Variants in CXCL13 observed in about 807,000 individuals in gnomAD.
The protein encoded by CXCL13 is C-X-C motif chemokine 13.
Under a neutral mutation model 12.2 loss-of-function variants are expected in CXCL13, and 7 were observed. The ratio of observed to expected loss-of-function variants is 0.57; its 90% confidence interval spans 0.33 to 1.07. The LOEUF is 1.07. CXCL13 is among the 50% of genes least tolerant of loss of function. The pLI, the probability that CXCL13 is intolerant of heterozygous loss-of-function variation, is 0.04. For missense variants in CXCL13, 113 were observed against 127.4 expected (o/e 0.89, Z 0.55); for synonymous variants, 47 against 42.4 (o/e 1.11, Z -0.42).
At chr4:77,534,998 G>A (rs1578041638) in intron 1 of CXCL13, among the ~76,000 whole-genome samples, 2 of 152,196 alleles carry the variant, frequency 1.3e-5, no homozygotes, top group South Asian at 4.1e-4. Context: ...TGCTTTGCAT[G>A]CTACAGCAAG....
chr4:77,527,731 A>G (rs996016232), intron 1 of CXCL13, among the ~76,000 whole-genome samples: 5 of 151,864 alleles, frequency 3.3e-5, no homozygotes, highest in Admixed American at 2.6e-4. Context: ...CAGATTTTGT[A>G]AAGCCACCTT....
intron 2 of CXCL13, among the ~76,000 whole-genome samples, chr4:77,608,151 G>A (rs1460288598): frequency 1.3e-5 from 2 of 152,154 alleles, no homozygotes; most frequent in Admixed American, 6.5e-5. Flanking sequence ...ATTAGAAAGT[G>A]CATTAGTGGC....
chr4:77,531,257 A>C, intron 1 of CXCL13, among the ~76,000 whole-genome samples: 1 of 138,634 alleles, frequency 7.2e-6, no homozygotes, highest in African/African-American at 2.6e-5. Context: ...TATATCTCCT[A>C]ATGCTATCCC....
intron 1 of CXCL13, among the ~76,000 whole-genome samples, chr4:77,549,608 T>C (rs355671): frequency 0.65 from 98,354 of 152,142 alleles, 36,318 homozygotes; most frequent in Non-Finnish European, 0.82. Flanking sequence ...GCTGCAGTTC[T>C]TTTGGAGTTT....
intron 1 of CXCL13, among the ~76,000 whole-genome samples, chr4:77,518,171 G>A (rs1724477535): frequency 6.6e-6 from 1 of 152,192 alleles, no homozygotes; most frequent in Non-Finnish European, 1.5e-5. Context: ...TCCGCTGTTA[G>A]TCTGATGGGC....
chr4:77,580,074 C>T (rs1451550470), intron 1 of CXCL13, among the ~76,000 whole-genome samples: 2 of 151,920 alleles, frequency 1.3e-5, no homozygotes, highest in East Asian at 3.9e-4. Context: ...ATTATTAAAA[C>T]TAAGGGCTCT....
chr4:77,556,214 A>G (rs764638521), intron 1 of CXCL13, among the ~76,000 whole-genome samples: 2 of 150,882 alleles, frequency 1.3e-5, no homozygotes, highest in African/African-American at 2.4e-5. Flanking sequence ...GTCCATAAAC[A>G]AATGAATGGT....
chr4:77,550,433 G>A lies in CXCL13; in HGVS notation c.-43+38645G>A, dbSNP rs573806606. ...ATCTGTCTTCTGCATCACTCCTGCT[G>A]GGAGCTGTAGACGGGAGCTGTAGAC... On this transcript the variant is annotated intron_variant, in intron 1 of 4. Transcript: ENST00000286758. Among the ~76,000 whole-genome samples, 5 of 152,266 alleles carry A rather than the reference G, an allele frequency of 3.3e-5. 1 individual carries two copies. The highest frequency in any genetic ancestry group is 2.6e-4 in the Admixed American group (4 of 15,292).
At chr4:77,556,167 T>G (rs1725652666) in intron 1 of CXCL13, among the ~76,000 whole-genome samples, 1 of 152,236 alleles carries the variant, frequency 6.6e-6, no homozygotes, top group African/African-American at 2.4e-5. Flanking sequence ...CATAGTAGCT[T>G]TATTCATAAT....
Position 77,611,830 on chromosome 4 carries a change from C to T in CXCL13, c.*791C>T, listed in dbSNP as rs148324990. The T allele has an allele frequency of 1.4e-3, 544 of 389,334 alleles. 5 individuals carry two copies. The highest frequency in any genetic ancestry group is 1.8e-3 in the Non-Finnish European group (400 of 221,974). The allele number at this position is 389,334 out of a possible 1,614,324, so 24.1% of individuals were successfully genotyped here. ...TCAATAAAGTTGAGCAAACATTTTA[C>T]TTAATTATGAGCAATTTCTTCTTCT... On this transcript the variant is annotated 3_prime_UTR_variant, in exon 4 of 4. Transcript: ENST00000682537.
At chr4:77,587,339 T>C (rs551404567) in intron 1 of CXCL13, among the ~76,000 whole-genome samples, 8 of 152,178 alleles carry the variant, frequency 5.3e-5, no homozygotes, top group Non-Finnish European at 1.2e-4. Context: ...TATGACGAAC[T>C]TTCACTGGTT....
chr4:77,511,759 A>C (rs1255647046), exon 1 of CXCL13: 1 of 152,184 alleles, frequency 6.6e-6, no homozygotes, highest in Non-Finnish European at 1.5e-5. Flanking sequence ...AAAGGAGAAG[A>C]TGTTTGAAAA....
At chr4:77,594,185 T>C (rs1268644669) in intron 1 of CXCL13, among the ~76,000 whole-genome samples, 5 of 152,272 alleles carry the variant, frequency 3.3e-5, no homozygotes, top group African/African-American at 1.2e-4. Flanking sequence ...GTCATGCATG[T>C]CTATCTCTGG....
chr4:77,565,434 T>C (rs1175346155), intron 1 of CXCL13, among the ~76,000 whole-genome samples: 1 of 152,204 alleles, frequency 6.6e-6, no homozygotes, highest in African/African-American at 2.4e-5. Flanking sequence ...TATTTGAATC[T>C]TCTCTATGCC....
intron 1 of CXCL13, among the ~76,000 whole-genome samples, chr4:77,547,177 G>A (rs1578047876): frequency 6.6e-6 from 1 of 152,182 alleles, no homozygotes; most frequent in Non-Finnish European, 1.5e-5. Context: ...GTCAATTTTG[G>A]TATAAGTGCA....
At chr4:77,585,865 T>C (rs2109827575) in intron 1 of CXCL13, among the ~76,000 whole-genome samples, 1 of 152,336 alleles carries the variant, frequency 6.6e-6, no homozygotes, top group Non-Finnish European at 1.5e-5. Context: ...GGATGAAATC[T>C]ACACTTGCTG....
intron 1 of CXCL13, among the ~76,000 whole-genome samples, chr4:77,584,572 C>T (rs539853674): frequency 1.2e-3 from 175 of 152,152 alleles, no homozygotes; most frequent in South Asian, 2.3e-3. Context: ...TTAGAAGAGA[C>T]ATTTTTAACA....
At chr4:77,526,831 C>A (rs1359302374) in intron 1 of CXCL13, among the ~76,000 whole-genome samples, 1 of 152,146 alleles carries the variant, frequency 6.6e-6, no homozygotes, top group Admixed American at 6.5e-5. Flanking sequence ...GGCCTTTGAG[C>A]TGAGACCCAA....
chr4:77,599,284 A>C (rs1280233763), intron 1 of CXCL13, among the ~76,000 whole-genome samples: 1 of 152,222 alleles, frequency 6.6e-6, no homozygotes, highest in Non-Finnish European at 1.5e-5. Context: ...TCTCTGATAT[A>C]AAATGGGGTA....
Sources: allele counts gnomAD v4.1 joint callset (sites outside exome capture counted in the v4.1 genomes callset), GRCh38; gene constraint gnomAD v4.1.1; transcripts MANE v1.5; gene names NCBI Gene and HGNC (gene_info 2026-07-23, HGNC 2026-07-21).